LRP4: variants seen among roughly 807,000 people sequenced by gnomAD.
LRP4 encodes the protein low-density lipoprotein receptor-related protein 4.
LRP4 carries 95 observed loss-of-function variants against 220.3 expected under a neutral mutation model. The ratio of observed to expected loss-of-function variants is 0.43; its 90% confidence interval spans 0.37 to 0.51. LRP4 has a LOEUF of 0.51. Ranked by LOEUF, LRP4 falls within the 20% of genes least tolerant of loss-of-function variation. LRP4 has a pLI of 0.00. For synonymous variants in LRP4, 903 were observed against 954.6 expected (o/e 0.95, Z 1.00); for missense variants, 1,925 against 2,567.0 (o/e 0.75, Z 5.40).
rs1178347520 is a variant in LRP4 at position 46,899,497 on chromosome 11, C to T, written c.437G>A (p.Arg146His). ...GDNSDEQCDMRKCSDKEFRCS... is the reference protein window; with the variant it reads ...GDNSDEQCDMHKCSDKEFRCS... ...GCGGAACTCCTTGTCGGAGCACTTG[C>T]GCATGTCTGGGGGGATGCGATGGGA... The change falls in exon 5 of 38, where the codon CGC becomes CAC. Residue 146 changes from arginine to histidine, a missense_variant. Coordinates refer to ENST00000378623, the MANE Select transcript of LRP4 (RefSeq NM_002334.4). The surrounding 1 kb of genome is among the most constrained non-coding windows in gnomAD (Gnocchi z 5.9). 20 of 1,611,558 alleles carry T rather than the reference C, an allele frequency of 1.2e-5. No individual in the cohort carries two copies. Among genetic ancestry groups the T allele is most frequent in the Non-Finnish European group, 1.6e-5 (19 of 1,178,130 alleles).
intron 34 of LRP4, among the ~76,000 whole-genome samples, chr11:46,866,504 T>A (rs1940705384): frequency 6.6e-6 from 1 of 152,182 alleles, no homozygotes; most frequent in Non-Finnish European, 1.5e-5. Flanking sequence ...CAGGCTTGTC[T>A]TGAATTCCTG....
At chr11:46,893,515 A>G (rs1941464961) in intron 12 of LRP4, among the ~76,000 whole-genome samples, 1 of 152,222 alleles carries the variant, frequency 6.6e-6, no homozygotes, top group Non-Finnish European at 1.5e-5. Context: ...TTTGAGTCCA[A>G]TGTGCTTGAT....
chr11:46,869,122 C>T lies in LRP4; in HGVS notation c.4703G>A (p.Trp1568Ter). 2 of 1,614,126 alleles carry T rather than the reference C, an allele frequency of 1.2e-6. No individual in the cohort carries two copies. Among genetic ancestry groups the T allele is most frequent in the Non-Finnish European group, 8.5e-7 (1 of 1,180,010 alleles). ...HPFALTQQDR[W>*]IYWTDWQTKS... ...GGTCTGCCAGTCTGTCCAGTAGATC[C>T]ACCTGTCTTGCTACTCAACAGGGGA... The change falls in exon 32 of 38, where the codon TGG becomes TAG. Residue 1568 changes from tryptophan to a stop codon, truncating the protein, a stop_gained. Coordinates refer to ENST00000378623, the MANE Select transcript of LRP4 (RefSeq NM_002334.4). LOFTEE classifies it high-confidence loss of function.
rs1940475966 is a variant in LRP4 at position 46,859,310 on chromosome 11, C to G, written c.5391G>C (p.Gly1797=). ...TCTCCTTGGTGTAGTTATGGTCAGGCCCTCCCTAGGGTGGAGAGTGGGCAG... is the reference window on the plus strand; with the variant it reads ...TCTCCTTGGTGTAGTTATGGTCAGGGCCTCCCTAGGGTGGAGAGTGGGCAG... ...YNQLCYKKEG[G]PDHNYTKEKI... Residue 1797 remains glycine (G), a synonymous_variant, in exon 38 of 38, where the codon GGG becomes GGC. Transcript: ENST00000378623. 2 of 1,613,278 alleles carry G rather than the reference C, an allele frequency of 1.2e-6. No homozygotes were observed. Among genetic ancestry groups the G allele is most frequent in the Non-Finnish European group, 1.7e-6 (2 of 1,179,476 alleles).
At position 46,857,584 on chromosome 11, in the gene LRP4, G is replaced by T. The variant is rs1413445322; in HGVS notation, c.*1399C>A. On this transcript the variant is annotated 3_prime_UTR_variant, in exon 38 of 38. Coordinates refer to ENST00000378623, the MANE Select transcript of LRP4 (RefSeq NM_002334.4). ...TATTTATTCAGCCCTCCCACCACAG[G>T]ACTTTGGAGATTGCTGGTGCCACAA... 6.6e-6 allele frequency: 1 copy of T among 152,112 alleles called. No homozygotes were observed. The highest frequency in any genetic ancestry group is 6.6e-5 in the Admixed American group (1 of 15,266). 9.4% of individuals were successfully genotyped at this position (152,112 alleles called of 1,614,324 possible). A position where few individuals can be genotyped will look rare whatever the true frequency, so the allele number is the denominator to read the frequency against.
intron 1 of LRP4, among the ~76,000 whole-genome samples, chr11:46,911,415 TC>T: frequency 6.6e-6 from 1 of 152,036 alleles, no homozygotes; most frequent in East Asian, 1.9e-4. Context: ...AATCAGAAGG[TC>T]CACACAGTAA....
At position 46,895,750 on chromosome 11, in the gene LRP4, C is replaced by T. The variant is rs1271365681; in HGVS notation, c.1183+134G>A. ...CATCTGTGAAATGGGAAGGATGATC[C>T]CCACCTCCTAGGGTTATTGTGAGGA... On this transcript the variant is annotated intron_variant, in intron 10 of 37. Coordinates refer to ENST00000378623, the MANE Select transcript of LRP4 (RefSeq NM_002334.4). 5 of 1,277,438 alleles carry T rather than the reference C, an allele frequency of 3.9e-6. No individual in the cohort carries two copies. The Admixed American group carries it at 5.1e-5, about 13-fold the overall frequency. The allele number at this position is 1,277,438 out of a possible 1,614,324, so 79.1% of individuals were successfully genotyped here. A position where few individuals can be genotyped will look rare whatever the true frequency, so the allele number is the denominator to read the frequency against.
intron 1 of LRP4, among the ~76,000 whole-genome samples, chr11:46,909,823 G>A (rs1453660502): frequency 6.6e-6 from 1 of 152,008 alleles, no homozygotes; most frequent in African/African-American, 2.4e-5. Context: ...ATAAATAAAA[G>A]TAGTTATTTC....
In LRP4 at chr11:46,917,339, G is replaced by C. The variant is rs137944849; in HGVS notation, c.52+989C>G. ...CACGATGAATAGCGATGGGTGAATA[G>C]GGCTGGGGTTCAAAGATCAAAGTTC... On this transcript the variant is annotated intron_variant, in intron 1 of 37. Transcript: ENST00000378623. 2.2e-3 allele frequency among the ~76,000 whole-genome samples: 328 copies of C among 152,362 alleles called. 1 individual carries two copies. Among genetic ancestry groups the C allele is most frequent in the African/African-American group, 7.2e-3 (298 of 41,586 alleles).
chr11:46,897,094 T>G, intron 7 of LRP4, 100 bp from the exon 8 acceptor site: 1 of 1,469,688 alleles, frequency 6.8e-7, no homozygotes, highest in Non-Finnish European at 9.5e-7. Context: ...CATGCCACTC[T>G]TGACACCGGG....
chr11:46,904,510 C>CGGAT (rs59808861), intron 1 of LRP4, among the ~76,000 whole-genome samples: 22,833 of 116,030 alleles, frequency 0.2, 2,669 homozygotes, highest in African/African-American at 0.35. Context: ...GACGGACAGA[C>CGGAT]GGATGGATGG....
intron 18 of LRP4, 35 bp from the exon 19 acceptor site, chr11:46,884,011 T>C (rs1210250168): frequency 2.6e-6 from 4 of 1,541,786 alleles, no homozygotes; most frequent in Non-Finnish European, 3.6e-6. Flanking sequence ...AATTCTAGTC[T>C]TGTTCATTCA....
chr11:46,898,553 C>A lies in LRP4; in HGVS notation c.796+5G>T. ...AGCCCAACCTAATTCCATTTCCCCA[C>A]TCACTGCAGTTGCGCTCATCAGACT... On this transcript the variant is annotated splice_donor_5th_base_variant and intron_variant, in intron 7 of 37. Transcript: ENST00000378623. 6.2e-7 allele frequency: 1 copy of A among 1,614,134 alleles called. No homozygotes were observed. The highest frequency in any genetic ancestry group is 8.5e-7 in the Non-Finnish European group (1 of 1,180,016).
chr11:46,881,041 C>A (rs534752867), intron 20 of LRP4, among the ~76,000 whole-genome samples: 33 of 128,268 alleles, frequency 2.6e-4, no homozygotes, highest in African/African-American at 7.9e-4. Flanking sequence ...CACAGCATGA[C>A]CCTGCCTCTA....
intron 30 of LRP4, among the ~76,000 whole-genome samples, chr11:46,872,382 G>C (rs1282086565): frequency 6.6e-6 from 1 of 152,144 alleles, no homozygotes; most frequent in Non-Finnish European, 1.5e-5. Context: ...ATCAGAAGGG[G>C]GCACAGACTG....
chr11:46,881,058 CAAAAAAAAAAAAAAA>C (rs60125188), intron 20 of LRP4, among the ~76,000 whole-genome samples: 7 of 56,106 alleles, frequency 1.2e-4, no homozygotes, highest in Non-Finnish European at 1.8e-4. Flanking sequence ...TCTAAAAAAC[CAAAAAAAAAAAAAAA>C]AAAAAAAAAA....
At position 46,894,645 on chromosome 11, in the gene LRP4, G is replaced by A; in HGVS notation, c.1484C>T (p.Ala495Val). Residue 495 changes from alanine to valine, a missense_variant, in exon 12 of 38, where the codon GCC becomes GTC. Physicochemically the swap from Ala to Val is moderately conservative, Grantham distance 64. Coordinates refer to ENST00000378623, the MANE Select transcript of LRP4 (RefSeq NM_002334.4). ...CTCCACGTTGCTGCCGTTGAGGTTG[G>A]CACGGAGGATCCGGTCCAGGGTGAC... ...SDVTLDRILR[A>V]NLNGSNVEEV... The A allele has an allele frequency of 6.2e-7, 1 of 1,614,078 alleles. No individual in the cohort carries two copies. Among genetic ancestry groups the A allele is most frequent in the South Asian group, 1.1e-5 (1 of 91,046 alleles).
At position 46,873,620 on chromosome 11, in the gene LRP4, G is replaced by A. The variant is rs760803560; in HGVS notation, c.4230-27C>T. ...TTGGGGAGAGCCCAGTGTTGGATGA[G>A]CAACCAGACTGACCCAGAATAGAGT... On this transcript the variant is annotated intron_variant, in intron 28 of 37. Coordinates refer to ENST00000378623, the MANE Select transcript of LRP4 (RefSeq NM_002334.4). This position sits in a 1 kb window ranked among gnomAD's most constrained non-coding sequence, Gnocchi z 4.2. 5.7e-6 allele frequency: 9 copies of A among 1,582,434 alleles called. No individual in the cohort carries two copies. In the South Asian group the frequency reaches 8.9e-5, roughly 16 times the overall value.
Position 46,876,000 on chromosome 11 carries a change from G to T in LRP4, c.3537-34C>A. 2 of 1,593,334 alleles carry T rather than the reference G, an allele frequency of 1.3e-6. No individual in the cohort carries two copies. Among genetic ancestry groups the T allele is most frequent in the Non-Finnish European group, 1.7e-6 (2 of 1,161,240 alleles). ...GGAAGAATATTAGCTATATTAGCTAGTTATTCCAGCAGCTACCACATACCA... is the reference window on the plus strand; with the variant it reads ...GGAAGAATATTAGCTATATTAGCTATTTATTCCAGCAGCTACCACATACCA... On this transcript the variant is annotated intron_variant, in intron 25 of 37. Transcript: ENST00000378623. This position sits in a 1 kb window ranked among gnomAD's most constrained non-coding sequence, Gnocchi z 4.5.
Sources: gnomAD v4.1 joint callset for allele counts (sites outside exome capture counted in the v4.1 genomes callset) on GRCh38, gnomAD v4.1.1 for gene constraint, Gnocchi (gnomAD v3.1) non-coding constraint, MANE v1.5 for transcripts, NCBI Gene and HGNC (gene_info 2026-07-23, HGNC 2026-07-21) for gene names.